The following SEMA5A variants were observed in gnomAD, a reference collection of about 807,000 sequenced individuals.
SEMA5A encodes semaphorin-5A.
Under a neutral mutation model 135.5 loss-of-function variants are expected in SEMA5A, and 55 were observed. The observed-to-expected ratio is 0.41, with a 90% CI of 0.33 to 0.51. The LOEUF is 0.51. Among genes scored for constraint, SEMA5A ranks in the 20% least tolerant of loss-of-function variants. SEMA5A has a pLI of 0.37. For missense variants in SEMA5A, 1,290 were observed against 1,419.9 expected (o/e 0.91, Z 1.47); for synonymous variants, 580 against 546.5 (o/e 1.06, Z -0.85).
intron 3 of SEMA5A, among the ~76,000 whole-genome samples, chr5:9,362,967 T>C (rs1754762019): frequency 6.6e-6 from 1 of 152,238 alleles, no homozygotes; most frequent in Non-Finnish European, 1.5e-5. Context: ...AGCGACTGCC[T>C]CACCTCAGCA....
chr5:9,132,081 A>AG (rs1232490874), intron 13 of SEMA5A, among the ~76,000 whole-genome samples: 2 of 152,354 alleles, frequency 1.3e-5, no homozygotes, highest in African/African-American at 4.8e-5. Flanking sequence ...GTTTTCAATT[A>AG]CAATTTTATA....
At chr5:9,076,819 T>A (rs1218941625) in intron 16 of SEMA5A, among the ~76,000 whole-genome samples, 1 of 152,048 alleles carries the variant, frequency 6.6e-6, no homozygotes, top group African/African-American at 2.4e-5. Context: ...AAAATGACAC[T>A]GTTATCTACC....
At chr5:9,542,385 C>T (rs1738140807) in intron 1 of SEMA5A, among the ~76,000 whole-genome samples, 1 of 152,312 alleles carries the variant, frequency 6.6e-6, no homozygotes, top group East Asian at 1.9e-4. Context: ...ATGTTGTCAA[C>T]TGTACTCAAG....
chr5:9,225,115 C>T (rs1417268824), intron 7 of SEMA5A, among the ~76,000 whole-genome samples: 4 of 151,950 alleles, frequency 2.6e-5, no homozygotes, highest in Non-Finnish European at 4.4e-5. Context: ...AGTTACTGAA[C>T]CTTGTACCAC....
At chr5:9,220,673 G>A (rs933905968) in intron 8 of SEMA5A, among the ~76,000 whole-genome samples, 13 of 152,292 alleles carry the variant, frequency 8.5e-5, no homozygotes, top group South Asian at 4.1e-4. Flanking sequence ...AAAGACCAGC[G>A]GAAGGAAAAG....
At chr5:9,489,081 C>T (rs1734871098) in intron 1 of SEMA5A, among the ~76,000 whole-genome samples, 1 of 152,094 alleles carries the variant, frequency 6.6e-6, no homozygotes, top group Non-Finnish European at 1.5e-5. Flanking sequence ...GGCTCATGTA[C>T]CATTTTCTCA....
At chr5:9,301,500 G>A (rs1450508569) in intron 5 of SEMA5A, among the ~76,000 whole-genome samples, 1 of 152,194 alleles carries the variant, frequency 6.6e-6, no homozygotes, top group Non-Finnish European at 1.5e-5. Flanking sequence ...AAAGTATGCT[G>A]TAAGAATTCC....
chr5:9,456,306 T>C (rs1269238523), intron 1 of SEMA5A, among the ~76,000 whole-genome samples: 1 of 152,228 alleles, frequency 6.6e-6, no homozygotes, highest in Non-Finnish European at 1.5e-5. Context: ...TATCCTCTTC[T>C]GCAACTGGCT....
intron 2 of SEMA5A, among the ~76,000 whole-genome samples, chr5:9,425,249 A>C (rs1037901240): frequency 6.6e-6 from 1 of 152,340 alleles, no homozygotes; most frequent in East Asian, 1.9e-4. Context: ...TTTATTGTGA[A>C]CGCAATTATT....
chr5:9,420,948 G>T (rs1049117214), intron 2 of SEMA5A, among the ~76,000 whole-genome samples: 7 of 152,208 alleles, frequency 4.6e-5, no homozygotes, highest in African/African-American at 1.7e-4. Context: ...CCCCGGAGGG[G>T]TAGGTTACAG....
intron 2 of SEMA5A, among the ~76,000 whole-genome samples, chr5:9,395,985 C>G (rs1756379579): frequency 6.6e-6 from 1 of 152,044 alleles, no homozygotes; most frequent in Admixed American, 6.6e-5. Flanking sequence ...TTCCCAAGCA[C>G]AAATCTCACA....
intron 1 of SEMA5A, among the ~76,000 whole-genome samples, chr5:9,519,431 G>C (rs1421698368): frequency 6.6e-5 from 10 of 152,202 alleles, no homozygotes; most frequent in African/African-American, 2.4e-4. Flanking sequence ...GGGTTGACAA[G>C]CAAGAAAAAT....
At chr5:9,354,884 C>G (rs887868003) in intron 3 of SEMA5A, among the ~76,000 whole-genome samples, 3 of 152,060 alleles carry the variant, frequency 2.0e-5, no homozygotes, top group African/African-American at 7.2e-5. Context: ...AGGGAGTTGT[C>G]TGGGGAAAGG....
At chr5:9,095,676 ATAC>A (rs2150131902) in intron 16 of SEMA5A, among the ~76,000 whole-genome samples, 1 of 152,372 alleles carries the variant, frequency 6.6e-6, no homozygotes, top group East Asian at 1.9e-4. Flanking sequence ...ATGCTCAGTA[ATAC>A]CATTGGAGGC....
intron 5 of SEMA5A, among the ~76,000 whole-genome samples, chr5:9,252,784 T>G (rs1254024910): frequency 6.6e-6 from 1 of 152,160 alleles, no homozygotes; most frequent in Non-Finnish European, 1.5e-5. Flanking sequence ...GTTTCCCATA[T>G]GGAATATAAT....
intron 4 of SEMA5A, among the ~76,000 whole-genome samples, chr5:9,334,347 T>G (rs1457360906): frequency 6.6e-6 from 1 of 152,252 alleles, no homozygotes; most frequent in Non-Finnish European, 1.5e-5. Flanking sequence ...ATCTGAGGGC[T>G]GGGTTATTTT....
At chr5:9,328,023 G>A (rs1369750330) in intron 4 of SEMA5A, among the ~76,000 whole-genome samples, 1 of 152,014 alleles carries the variant, frequency 6.6e-6, no homozygotes, top group Non-Finnish European at 1.5e-5. Context: ...GTTATCTTCA[G>A]TATTCATACA....
At chr5:9,290,604 A>G (rs541585044) in intron 5 of SEMA5A, among the ~76,000 whole-genome samples, 1 of 152,302 alleles carries the variant, frequency 6.6e-6, no homozygotes, top group East Asian at 1.9e-4. Context: ...AAATAACAGG[A>G]AGTTCAGCAA....
intron 8 of SEMA5A, among the ~76,000 whole-genome samples, chr5:9,211,599 G>A (rs1746349647): frequency 1.3e-5 from 2 of 152,148 alleles, no homozygotes. Flanking sequence ...GCTGTTCAGA[G>A]TCAGCACCTG....
Sources: allele counts gnomAD v4.1 joint callset (sites outside exome capture counted in the v4.1 genomes callset), GRCh38; gene constraint gnomAD v4.1.1; transcripts MANE v1.5; gene names NCBI Gene and HGNC (gene_info 2026-07-23, HGNC 2026-07-21).